COL4A2: variants seen among roughly 807,000 people sequenced by gnomAD.
COL4A2 encodes collagen type IV alpha 2 chain.
A neutral mutation model predicts 200.2 loss-of-function variants in COL4A2; 99 were observed. The observed-to-expected ratio is 0.49, with a 90% CI of 0.42 to 0.58. The LOEUF (loss-of-function observed/expected upper bound fraction) is 0.58, where lower values mean the gene tolerates loss of function less well. Ranked by LOEUF, COL4A2 falls within the 20% of genes least tolerant of loss-of-function variation. The pLI is 0.00. For synonymous variants in COL4A2, 897 were observed against 900.6 expected (o/e 1.00, Z 0.07); for missense variants, 1,950 against 2,314.1 (o/e 0.84, Z 3.23).
chr13:110,358,846 A>G (rs1032077849), intron 4 of COL4A2, among the ~76,000 whole-genome samples: 2 of 152,212 alleles, frequency 1.3e-5, no homozygotes, highest in Admixed American at 6.5e-5. Context: ...AATTGGGTCA[A>G]TGTATACCAC....
chr13:110,434,482 A>G (rs2139462607), intron 12 of COL4A2, 40 bp downstream of exon 12: 1 of 1,592,088 alleles, frequency 6.3e-7, no homozygotes, highest in African/African-American at 1.3e-5. Context: ...GGCATGCAGC[A>G]TTTCTCAGCC....
chr13:110,346,566 C>T (rs1226863761), intron 3 of COL4A2, among the ~76,000 whole-genome samples: 1 of 152,002 alleles, frequency 6.6e-6, no homozygotes, highest in Non-Finnish European at 1.5e-5. Context: ...TCCAGTGCTC[C>T]GAGATGGAAA....
Position 110,430,454 on chromosome 13 carries a change from G to C in COL4A2, c.585+18G>C. On this transcript the variant is annotated intron_variant, in intron 9 of 47. Transcript: ENST00000360467. ...GTTTCCAGGTAAGTTTATTTTTATT[G>C]GACGATATTCCAAACAAAAGTTTAA... The C allele has an allele frequency of 6.2e-7, 1 of 1,614,124 alleles. No homozygotes were observed. Among genetic ancestry groups the C allele is most frequent in the Non-Finnish European group, 8.5e-7 (1 of 1,180,016 alleles).
At chr13:110,378,698 A>G (rs192793783) in intron 4 of COL4A2, among the ~76,000 whole-genome samples, 1 of 152,242 alleles carries the variant, frequency 6.6e-6, no homozygotes, top group African/African-American at 2.4e-5. Context: ...AACCCACCCC[A>G]GTGGGCACTT....
intron 11 of COL4A2, among the ~76,000 whole-genome samples, chr13:110,432,583 G>A (rs557815725): frequency 4.6e-5 from 7 of 152,154 alleles, no homozygotes; most frequent in Non-Finnish European, 1.0e-4. Flanking sequence ...TTTGTTGTTT[G>A]CAAATTAATT....
intron 34 of COL4A2, among the ~76,000 whole-genome samples, chr13:110,486,773 C>T (rs1057021675): frequency 2.0e-5 from 3 of 151,694 alleles, no homozygotes; most frequent in East Asian, 1.9e-4. Context: ...TGTTCTCTGG[C>T]GGGCAGGAGT....
intron 3 of COL4A2, among the ~76,000 whole-genome samples, chr13:110,317,595 G>C (rs1885175010): frequency 6.6e-6 from 1 of 152,182 alleles, no homozygotes; most frequent in African/African-American, 2.4e-5. Context: ...TAAGATGACT[G>C]CACTCAGGAG....
At chr13:110,441,091 C>T (rs570292832) in intron 16 of COL4A2, among the ~76,000 whole-genome samples, 2 of 152,328 alleles carry the variant, frequency 1.3e-5, no homozygotes, top group East Asian at 3.9e-4. Context: ...TGGCTGCCTG[C>T]CCATGGGCTA....
intron 4 of COL4A2, among the ~76,000 whole-genome samples, chr13:110,398,200 G>T (rs563045134): frequency 6.6e-6 from 1 of 151,098 alleles, no homozygotes; most frequent in Non-Finnish European, 1.5e-5. Flanking sequence ...GTTCCTTTAG[G>T]TGGGGGGAAG....
chr13:110,436,285 C>T lies in COL4A2; in HGVS notation c.743C>T (p.Pro248Leu). ...AATATGCAGGGTGACGTAGGGCAGC[C>T]GGGACCCAACGGGATTCCATCAGAC... ...VKGEKGDVGQPGPNGIPSDTL... is the reference protein window; with the variant it reads ...VKGEKGDVGQLGPNGIPSDTL... Residue 248 changes from proline (P) to leucine (L), a missense_variant, in exon 13 of 48, where the codon CCG becomes CTG. Transcript: ENST00000360467. 9 of 1,613,840 alleles carry T rather than the reference C, an allele frequency of 5.6e-6. No homozygotes were observed. The highest frequency in any genetic ancestry group is 1.1e-5 in the South Asian group (1 of 91,048).
At position 110,508,661 on chromosome 13, in the gene COL4A2, G is replaced by T. The variant is rs1267107767; in HGVS notation, c.4881+440G>T. Among the ~76,000 whole-genome samples the T allele has an allele frequency of 1.3e-5, 2 of 152,214 alleles. No individual in the cohort carries two copies. The highest frequency in any genetic ancestry group is 1.3e-4 in the Admixed American group (2 of 15,286). ...CCTATTAACTGGCTGGCTTAAAATG[G>T]ATATATATTCGTGAGGAAAATTCTG... On this transcript the variant is annotated intron_variant, in intron 47 of 47. Transcript: ENST00000360467. This position sits in a 1 kb window ranked among gnomAD's most constrained non-coding sequence, Gnocchi z 6.1.
chr13:110,441,414 G>A (rs1410476054), intron 16 of COL4A2, among the ~76,000 whole-genome samples: 1 of 152,196 alleles, frequency 6.6e-6, no homozygotes, highest in Non-Finnish European at 1.5e-5. Context: ...CAATCTTGAT[G>A]ACTTCCTGCA....
chr13:110,500,204 A>G (rs1264640684), intron 40 of COL4A2, among the ~76,000 whole-genome samples: 1 of 151,924 alleles, frequency 6.6e-6, no homozygotes, highest in Admixed American at 6.6e-5. Flanking sequence ...GCCAGAGGGG[A>G]AACAGAAAAC....
intron 3 of COL4A2, among the ~76,000 whole-genome samples, chr13:110,316,430 G>A (rs558580171): frequency 1.3e-5 from 2 of 152,240 alleles, no homozygotes; most frequent in South Asian, 2.1e-4. Flanking sequence ...AAGGAGCATC[G>A]CAGCGATGCA....
chr13:110,427,667 A>T (rs193068342), intron 6 of COL4A2, among the ~76,000 whole-genome samples: 1 of 152,350 alleles, frequency 6.6e-6, no homozygotes, highest in East Asian at 1.9e-4. Context: ...TAAATTATAG[A>T]TTATTAACCC....
chr13:110,425,583 T>C (rs1665105873), intron 6 of COL4A2, among the ~76,000 whole-genome samples: 1 of 152,188 alleles, frequency 6.6e-6, no homozygotes. Flanking sequence ...TTTCCCAGGG[T>C]TGGCTTCCTG....
At chr13:110,464,024 C>T (rs752191107) in intron 24 of COL4A2, among the ~76,000 whole-genome samples, 1 of 152,046 alleles carries the variant, frequency 6.6e-6, no homozygotes, top group Non-Finnish European at 1.5e-5. Context: ...TTGGCCTGTT[C>T]AGTGTCATGT....
At chr13:110,450,574 T>C in intron 20 of COL4A2, 120 bp downstream of exon 20, 1 of 1,185,908 alleles carries the variant, frequency 8.4e-7, no homozygotes. Context: ...AGTAGGCCAG[T>C]GATTAGGGTG....
In COL4A2 at chr13:110,309,012, G is replaced by A. The variant is rs548714896; in HGVS notation, c.99+889G>A. Among the ~76,000 whole-genome samples the A allele has an allele frequency of 2.3e-4, 35 of 152,290 alleles. No homozygotes were observed. The East Asian group carries it at 3.5e-3, about 15-fold the overall frequency. On this transcript the variant is annotated intron_variant, in intron 3 of 47. Coordinates refer to ENST00000360467, the MANE Select transcript of COL4A2 (RefSeq NM_001846.4). ...GGAGTAGCCCTGCCCTGTGGCAGCC[G>A]GGGCCCAGGTGGATTCCTCCTGGGA...
Sources: gnomAD v4.1 joint callset for allele counts (sites outside exome capture counted in the v4.1 genomes callset) on GRCh38, gnomAD v4.1.1 for gene constraint, Gnocchi (gnomAD v3.1) non-coding constraint, MANE v1.5 for transcripts, NCBI Gene and HGNC (gene_info 2026-07-23, HGNC 2026-07-21) for gene names.